The following METTL26 variants were observed in gnomAD, a reference collection of about 807,000 sequenced individuals.
METTL26 encodes the protein methyltransferase like 26.
In METTL26, 28 loss-of-function variants were observed where a neutral mutation model predicts 24.7. The observed-to-expected ratio is 1.13, with a 90% CI of 0.84 to 1.55. The LOEUF is 1.55. Ranked by LOEUF, METTL26 falls within the 40% of genes most tolerant of loss-of-function variation. METTL26 has a pLI of 0.00. For synonymous variants in METTL26, 165 were observed against 125.2 expected (o/e 1.32, Z -2.12); for missense variants, 344 against 281.2 (o/e 1.22, Z -1.60).
chr16:635,160 G>A, intron 3 of METTL26, 121 bp downstream of exon 3: 10 of 1,474,946 alleles, frequency 6.8e-6, no homozygotes, highest in Non-Finnish European at 9.1e-6. Context: ...TGGAAGTGGA[G>A]GGGAGGCCGT....
Position 636,115 on chromosome 16 carries a change from A to T in METTL26, c.176T>A (p.Val59Glu). 7.1e-7 allele frequency: 1 copy of T among 1,408,748 alleles called. No individual in the cohort carries two copies. Among genetic ancestry groups the T allele is most frequent in the Non-Finnish European group, 9.2e-7 (1 of 1,088,842 alleles). 87.3% of individuals were successfully genotyped at this position (1,408,748 alleles called of 1,614,324 possible). ...GCACCTGTCCAGGCAGCGCTGGTCCACGTCCGACGGCTGCCACTCGGCCAG... is the reference window on the plus strand; with the variant it reads ...GCACCTGTCCAGGCAGCGCTGGTCCTCGTCCGACGGCTGCCACTCGGCCAG... ...FPLAEWQPSD[V>E]DQRCLDSIAA... Residue 59 changes from valine to glutamate, a missense_variant, in exon 1 of 6, where the codon GTG (valine) becomes GAG (glutamate). Coordinates refer to ENST00000301686, the MANE Select transcript of METTL26 (RefSeq NM_032366.5).
At position 634,605 on chromosome 16, in the gene METTL26, T is replaced by C. The variant is rs2037028543; in HGVS notation, c.607A>G (p.Lys203Glu). The stretch of plus-strand genomic sequence containing the variant: ...GGGGGTGAAGGAGGGGCTTAGTTTT[T>C]CCGGAAGATCAGGCATTTGTTGTTG... ...PANNKCLIFR[K>E]N The change falls in exon 6 of 6, where the codon AAA becomes GAA. Residue 203 changes from lysine to glutamate, a missense_variant. Transcript: ENST00000301686. 6.2e-7 allele frequency: 1 copy of C among 1,613,346 alleles called. No homozygotes were observed. The highest frequency in any genetic ancestry group is 8.5e-7 in the Non-Finnish European group (1 of 1,179,972).
rs370828018 is a variant in METTL26 at position 634,718 on chromosome 16, C to T, written c.567+1G>A. The stretch of plus-strand genomic sequence containing the variant: ...GCCTGGGCCCCCGCTCCCCCACCTA[C>T]CATCCTCTCCAGGAGCAGGCCACTG... On this transcript the variant is annotated splice_donor_variant, in intron 5 of 5. Coordinates refer to ENST00000301686, the MANE Select transcript of METTL26 (RefSeq NM_032366.5). LOFTEE classifies it high-confidence loss of function. 1.9e-6 allele frequency: 3 copies of T among 1,612,876 alleles called. No individual in the cohort carries two copies. Among genetic ancestry groups the T allele is most frequent in the Non-Finnish European group, 2.5e-6 (3 of 1,179,962 alleles).
intron 1 of METTL26, 120 bp from the exon 2 acceptor site, chr16:635,894 G>GC (rs1567203061): frequency 7.2e-7 from 1 of 1,384,998 alleles, no homozygotes; most frequent in East Asian, 2.5e-5. Flanking sequence ...CAAAGCGGCT[G>GC]GGAAGGGGGA....
At chr16:635,949 A>T in intron 1 of METTL26, 145 bp downstream of exon 1, 1 of 1,331,620 alleles carries the variant, frequency 7.5e-7, no homozygotes, top group Non-Finnish European at 9.9e-7. Flanking sequence ...CCGCACAGCT[A>T]GGGCCTGCCC....
Position 636,201 on chromosome 16 carries a change from G to A in METTL26, c.90C>T (p.Arg30=). 1 of 1,489,864 alleles carries A rather than the reference G, an allele frequency of 6.7e-7. No individual in the cohort carries two copies. The allele number at this position is 1,489,864 out of a possible 1,614,324, so 92.3% of individuals were successfully genotyped here. A position where few individuals can be genotyped will look rare whatever the true frequency, so the allele number is the denominator to read the frequency against. ...CGGAGCCCGAGGCCACCTCGAGGAC[G>A]CGGACGCCACGCTGGGCCGGATCCA... ...QYLDPAQRGV[R]VLEVASGSGQ... Residue 30 remains arginine, a synonymous_variant, in exon 1 of 6, where the codon CGC becomes CGT. Coordinates refer to ENST00000301686, the MANE Select transcript of METTL26 (RefSeq NM_032366.5).
chr16:636,012 T>C, intron 1 of METTL26, 82 bp downstream of exon 1: 2 of 1,437,042 alleles, frequency 1.4e-6, no homozygotes, highest in Non-Finnish European at 1.8e-6. Context: ...AGCCGCATCC[T>C]TTTCCTCCGG....
At position 636,251 on chromosome 16, in the gene METTL26, TG is replaced by T; in HGVS notation, c.39del (p.Ile14SerfsTer63). 1 of 1,486,046 alleles carries T rather than the reference TG, an allele frequency of 6.7e-7. No individual in the cohort carries two copies. 92.1% of individuals were successfully genotyped at this position (1,486,046 alleles called of 1,614,324 possible). On this transcript the variant is annotated frameshift_variant, in exon 1 of 6. Coordinates refer to ENST00000301686, the MANE Select transcript of METTL26 (RefSeq NM_032366.5). LOFTEE classifies it high-confidence loss of function. ...AGGTACTGCCGCAGCACGTGCAAGA[TG>T]GGATCCTTGTTCCGCTCCGCGGCCG... ...VAAAAERNKD[P>X]ILHVLRQYLD...
In METTL26 at chr16:635,629, G is replaced by C. The variant is rs766321237; in HGVS notation, c.343C>G (p.Pro115Ala). Reference sequence around the variant, plus strand: ...CCACAGACCTCCGTGCAGCGCAGGGGGCTGACATGGGCCATGTTGATGCAG... The same window carrying C: ...CCACAGACCTCCGTGCAGCGCAGGGCGCTGACATGGGCCATGTTGATGCAG... ...LLCINMAHVSPLRCTEGLFRA... is the reference protein window; with the variant it reads ...LLCINMAHVSALRCTEGLFRA... The change falls in exon 2 of 6, where the codon CCC (proline) becomes GCC (alanine). Residue 115 changes from proline (P) to alanine (A), a missense_variant. Coordinates refer to ENST00000301686, the MANE Select transcript of METTL26 (RefSeq NM_032366.5). 3.3e-5 allele frequency: 51 copies of C among 1,549,810 alleles called. No individual in the cohort carries two copies.
rs1417042759 is a variant in METTL26, at chr16:635,618, G to A, written c.354C>T (p.Cys118=). ...INMAHVSPLR[C]TEGLFRAAGH... ...TGCTGGGCTCCCCACAGACCTCCGT[G>A]CAGCGCAGGGGGCTGACATGGGCCA... The change falls in exon 2 of 6, where the codon TGC becomes TGT. Residue 118 remains cysteine, a synonymous_variant. Transcript: ENST00000301686. 4 of 1,549,572 alleles carry A rather than the reference G, an allele frequency of 2.6e-6. No individual in the cohort carries two copies. Among genetic ancestry groups the A allele is most frequent in the East Asian group, 4.9e-5 (2 of 40,936 alleles).
At chr16:635,823 T>C in intron 1 of METTL26, 49 bp from the exon 2 acceptor site, 1 of 1,491,662 alleles carries the variant, frequency 6.7e-7, no homozygotes, top group Non-Finnish European at 9.0e-7. Flanking sequence ...TGCACCCGCC[T>C]TTCCGACGCC....
chr16:635,141 G>A, intron 3 of METTL26, 140 bp downstream of exon 3: 2 of 1,480,944 alleles, frequency 1.4e-6, no homozygotes, highest in Non-Finnish European at 9.0e-7. Context: ...CCCAGGGAGG[G>A]GTACAGACTG....
At position 634,480 on chromosome 16, in the gene METTL26, G is replaced by A. The variant is rs763834220; in HGVS notation, c.*117C>T. On this transcript the variant is annotated 3_prime_UTR_variant, in exon 6 of 6. Coordinates refer to ENST00000301686, the MANE Select transcript of METTL26 (RefSeq NM_032366.5). ...GAGCAGGCTGGGCCCTTCGGCCAGC[G>A]GCTGAGAGCACAGACTGGGTGGGGC... 11 of 1,586,954 alleles carry A rather than the reference G, an allele frequency of 6.9e-6. No individual in the cohort carries two copies. The highest frequency in any genetic ancestry group is 2.2e-5 in the East Asian group (1 of 44,750).
chr16:635,083 A>T (rs576543511), intron 3 of METTL26, 127 bp from the exon 4 acceptor site: 6 of 1,516,536 alleles, frequency 4.0e-6, no homozygotes, highest in Middle Eastern at 1.7e-4. Flanking sequence ...AGAGGGAGTC[A>T]GCCAAGGCCA....
At chr16:635,005 CAG>C (rs1258293684) in intron 3 of METTL26, 49 bp from the exon 4 acceptor site, 6 of 1,555,412 alleles carry the variant, frequency 3.9e-6, no homozygotes, top group Non-Finnish European at 5.2e-6. Flanking sequence ...GGGTATTTCC[CAG>C]AGAGCCTGGG....
Position 634,654 on chromosome 16 carries a change from C to T in METTL26, c.568-10G>A, listed in dbSNP as rs1312698398. On this transcript the variant is annotated splice_polypyrimidine_tract_variant and intron_variant, in intron 5 of 5. Coordinates refer to ENST00000301686, the MANE Select transcript of METTL26 (RefSeq NM_032366.5). ...TGGCTGGCATGTCCACCTGGAGAAA[C>T]ACTTTGCTGGAGGACGGCCCTCAAC... 3.1e-6 allele frequency: 5 copies of T among 1,613,072 alleles called. No homozygotes were observed. Among genetic ancestry groups the T allele is most frequent in the Non-Finnish European group, 4.2e-6 (5 of 1,179,976 alleles).
chr16:634,782 C>T lies in METTL26; in HGVS notation c.504G>A (p.Gly168=), dbSNP rs774610311. The part of the protein sequence containing the change: ...LMLRCRNPEW[G]LRDTALLEDL... Reference sequence around the variant, plus strand: ...CCTCCAGGAGGGCTGTGTCCCGAAGCCCCCATTCTGGGTTCCTGCAGAGGG... The same window carrying T: ...CCTCCAGGAGGGCTGTGTCCCGAAGTCCCCATTCTGGGTTCCTGCAGAGGG... Residue 168 remains glycine, a synonymous_variant, in exon 5 of 6, where the codon GGG becomes GGA. Transcript: ENST00000301686. 1.9e-6 allele frequency: 3 copies of T among 1,610,806 alleles called. No individual in the cohort carries two copies. Among genetic ancestry groups the T allele is most frequent in the East Asian group, 2.2e-5 (1 of 44,862 alleles).
chr16:635,649 A>T lies in METTL26; in HGVS notation c.323T>A (p.Ile108Asn). 1 of 1,551,186 alleles carries T rather than the reference A, an allele frequency of 6.4e-7. No individual in the cohort carries two copies. The highest frequency in any genetic ancestry group is 1.2e-5 in the South Asian group (1 of 84,124). Residue 108 changes from isoleucine to asparagine, a missense_variant, in exon 2 of 6, where the codon ATC becomes AAC. Ile to Asn is a moderately radical substitution (Grantham distance 149). Transcript: ENST00000301686. ...CAGGGGGCTGACATGGGCCATGTTG[A>T]TGCAGAGCAACAGGTCCAGCGACTG... ...LPQSLDLLLC[I>N]NMAHVSPLRC...
Position 635,295 on chromosome 16 carries a change from G to C in METTL26, c.406C>G (p.Leu136Val). Residue 136 changes from leucine to valine, a missense_variant, in exon 3 of 6, where the codon CTC becomes GTC. Transcript: ENST00000301686. Reference protein sequence around the residue: ...AGHLLKPRALLITYGPYAING... With the variant: ...AGHLLKPRALVITYGPYAING... ...GGCCCACTCACCCCGTAGGTGATGA[G>C]CAGGGCCCTGGGTTTGAGCAGGTGT... 1 of 1,595,454 alleles carries C rather than the reference G, an allele frequency of 6.3e-7. No homozygotes were observed. Among genetic ancestry groups the C allele is most frequent in the Non-Finnish European group, 8.5e-7 (1 of 1,170,954 alleles).
Sources: allele counts gnomAD v4.1 joint callset, GRCh38; gene constraint gnomAD v4.1.1; transcripts MANE v1.5; gene names NCBI Gene and HGNC (gene_info 2026-07-23, HGNC 2026-07-21).